PTK7: variants seen among roughly 807,000 people sequenced by gnomAD.
PTK7 encodes the protein protein tyrosine kinase 7 (inactive), also known as inactive tyrosine-protein kinase 7.
Under a neutral mutation model 116.6 loss-of-function variants are expected in PTK7, and 39 were observed. That is an observed-to-expected ratio of 0.33 (90% CI 0.26 to 0.44). The LOEUF is 0.44. PTK7 is among the 20% of genes least tolerant of loss of function. The probability of loss-of-function intolerance (pLI) is 1.00; values close to 1 mark genes in which losing one functional copy is unlikely to be tolerated. For missense variants in PTK7, 1,169 were observed against 1,425.6 expected, an observed-to-expected ratio of 0.82 and a Z score of 2.90; for synonymous variants, 546 against 563.6, an observed-to-expected ratio of 0.97 and a Z score of 0.44.
chr6:43,094,467 A>ATTT (rs1297200835), intron 1 of PTK7, among the ~76,000 whole-genome samples: 2 of 140,954 alleles, frequency 1.4e-5, no homozygotes, highest in Non-Finnish European at 3.1e-5. Context: ...TCAAAAGCAA[A>ATTT]TTTTTTTTTT....
chr6:43,086,265 G>A (rs1048174359), intron 1 of PTK7, among the ~76,000 whole-genome samples: 10 of 152,136 alleles, frequency 6.6e-5, no homozygotes, highest in Non-Finnish European at 1.2e-4. Flanking sequence ...CCCAGTCAGC[G>A]ACTCTGTTAA....
intron 17 of PTK7, among the ~76,000 whole-genome samples, chr6:43,154,805 G>A (rs547421062): frequency 2.0e-5 from 3 of 152,370 alleles, no homozygotes; most frequent in Non-Finnish European, 2.9e-5. Context: ...AGCCAGGGAT[G>A]CTGAAGGGCC....
chr6:43,110,633 C>T (rs1192253564), intron 1 of PTK7, among the ~76,000 whole-genome samples: 2 of 151,088 alleles, frequency 1.3e-5, no homozygotes, highest in African/African-American at 2.4e-5. Context: ...TGGTTTTGAG[C>T]TCCTGTCCTC....
In PTK7 at chr6:43,139,030, C is replaced by A; in HGVS notation, c.1362+48C>A. On this transcript the variant is annotated intron_variant, in intron 8 of 19. Transcript: ENST00000230419. The surrounding 1 kb of genome is among the most constrained non-coding windows in gnomAD (Gnocchi z 4.6). ...GTGGATGGGCGGGGCCTTCCCTCCA[C>A]TTGCCCTCTTCTGTGCTCACCTCCA... 4 of 1,607,448 alleles carry A rather than the reference C, an allele frequency of 2.5e-6. No individual in the cohort carries two copies. In the South Asian group the frequency reaches 4.4e-5, roughly 18 times the overall value.
chr6:43,121,302 G>C (rs543955384), intron 1 of PTK7, among the ~76,000 whole-genome samples: 1 of 152,156 alleles, frequency 6.6e-6, no homozygotes, highest in African/African-American at 2.4e-5. Flanking sequence ...TCTGAGTTTC[G>C]GTTTTCACCG....
Position 43,159,961 on chromosome 6 carries a change from T to A in PTK7, c.3047T>A (p.Leu1016Gln). 1 of 1,613,396 alleles carries A rather than the reference T, an allele frequency of 6.2e-7. No homozygotes were observed. Among genetic ancestry groups the A allele is most frequent in the Non-Finnish European group, 8.5e-7 (1 of 1,179,514 alleles). The change falls in exon 19 of 20, where the codon CTG (leucine) becomes CAG (glutamine). Residue 1016 changes from leucine to glutamine, a missense_variant. Physicochemically the swap from Leu to Gln is moderately radical, Grantham distance 113. Around this residue, in one of 3 missense-constraint regions of PTK7, gnomAD observed 678 missense variants for 853.8 expected, o/e 0.79. Coordinates refer to ENST00000230419, the MANE Select transcript of PTK7 (RefSeq NM_002821.5). Reference protein sequence around the residue: ...PHGGQADDEVLADLQAGKARL... With the variant: ...PHGGQADDEVQADLQAGKARL... ...GGTGGGCAGGCAGATGATGAAGTAC[T>A]GGCAGGTAGGCAGCCTTGCTGCTAG... is the stretch of plus-strand genomic sequence containing the variant.
At chr6:43,098,322 A>G (rs954015512) in intron 1 of PTK7, among the ~76,000 whole-genome samples, 7 of 148,228 alleles carry the variant, frequency 4.7e-5, no homozygotes, top group African/African-American at 1.7e-4. Context: ...ACGTCCTGTC[A>G]TTTCTCTCTT....
chr6:43,094,295 T>A (rs1011217499), intron 1 of PTK7, among the ~76,000 whole-genome samples: 7 of 152,158 alleles, frequency 4.6e-5, no homozygotes, highest in African/African-American at 1.7e-4. Context: ...GACCCTGTTC[T>A]CCTGCCTCAC....
At chr6:43,157,356 ATATATATATTTTTTTTTTTCTTTTTT>A (rs1561990485) in intron 17 of PTK7, among the ~76,000 whole-genome samples, 3 of 3,196 alleles carry the variant, frequency 9.4e-4, no homozygotes, top group African/African-American at 2.4e-3. Flanking sequence ...ATATATATAT[ATATATATATTTTTTTTTTTCTTTTTT>A]TTTTTTTTTT....
chr6:43,108,907 T>A (rs1768043755), intron 1 of PTK7, among the ~76,000 whole-genome samples: 1 of 152,210 alleles, frequency 6.6e-6, no homozygotes, highest in Non-Finnish European at 1.5e-5. Context: ...GAAACTTCTA[T>A]AAACACCAAT....
In PTK7 at chr6:43,141,795, C is replaced by T. The variant is rs1270639746; in HGVS notation, c.1746C>T (p.Ala582=). The T allele has an allele frequency of 6.2e-7, 1 of 1,613,918 alleles. No individual in the cohort carries two copies. Among genetic ancestry groups the T allele is most frequent in the Non-Finnish European group, 8.5e-7 (1 of 1,180,020 alleles). The change falls in exon 11 of 20, where the codon GCC becomes GCT. Residue 582 remains alanine, a synonymous_variant. Transcript: ENST00000230419. This position sits in a 1 kb window ranked among gnomAD's most constrained non-coding sequence, Gnocchi z 4.9. The stretch of plus-strand genomic sequence containing the variant: ...ACGGGCCGCAGGGCCAGATTCGTGC[C>T]CATGTCCAGCTCACTGTGGCAGGTG... The part of the protein sequence containing the change: ...ASNGPQGQIR[A]HVQLTVAVFI...
chr6:43,143,543 A>T lies in PTK7; in HGVS notation c.2174A>T (p.Tyr725Phe), dbSNP rs1369410594. Residue 725 changes from tyrosine to phenylalanine, a missense_variant, in exon 14 of 20, where the codon TAC becomes TTC. By Grantham distance (22) the Tyr-to-Phe change is conservative. Coordinates refer to ENST00000230419, the MANE Select transcript of PTK7 (RefSeq NM_002821.5). The surrounding 1 kb of genome is among the most constrained non-coding windows in gnomAD (Gnocchi z 4.2). ...YIIAVLGLMFYCKKRCKAKRL... is the reference protein window; with the variant it reads ...YIIAVLGLMFFCKKRCKAKRL... ...ATTGCCGTGCTGGGCCTCATGTTCT[A>T]CTGCAAGAAGCGCTGCAAAGCCAAG... is the stretch of plus-strand genomic sequence containing the variant. 2 of 1,613,686 alleles carry T rather than the reference A, an allele frequency of 1.2e-6. No homozygotes were observed. Among genetic ancestry groups the T allele is most frequent in the Non-Finnish European group, 1.7e-6 (2 of 1,179,970 alleles).
intron 17 of PTK7, among the ~76,000 whole-genome samples, chr6:43,150,807 TTTTTTTTTTCC>T (rs1771023710): frequency 9.3e-6 from 1 of 107,986 alleles, no homozygotes; most frequent in African/African-American, 4.8e-5. Context: ...TTTTTTTTTT[TTTTTTTTTTCC>T]CGAGACAGAG....
At chr6:43,152,241 G>C (rs918621869) in intron 17 of PTK7, among the ~76,000 whole-genome samples, 3 of 146,220 alleles carry the variant, frequency 2.1e-5, no homozygotes, top group Non-Finnish European at 4.5e-5. Context: ...ATAAAGAAAT[G>C]TACCAAAGCA....
intron 1 of PTK7, among the ~76,000 whole-genome samples, chr6:43,083,226 T>TG (rs1766472782): frequency 6.6e-6 from 1 of 152,244 alleles, no homozygotes; most frequent in East Asian, 1.9e-4. Flanking sequence ...TAGATGCCTC[T>TG]CTGCTGCTGT....
chr6:43,131,732 G>A (rs927251090), intron 5 of PTK7: 9 of 460,864 alleles, frequency 2.0e-5, no homozygotes, highest in Non-Finnish European at 3.2e-5. Flanking sequence ...ATTTGAGTGG[G>A]GACACAGCCA....
At position 43,141,892 on chromosome 6, in the gene PTK7, T is replaced by A; in HGVS notation, c.1769-39T>A. On this transcript the variant is annotated intron_variant, in intron 11 of 19. Transcript: ENST00000230419. This position sits in a 1 kb window ranked among gnomAD's most constrained non-coding sequence, Gnocchi z 4.9. The stretch of plus-strand genomic sequence containing the variant: ...CCGTGTACCCTGCCAGCCCCTTGGC[T>A]TACCCCTCCCTGCGCCTCGCTGGTC... 6.3e-7 allele frequency: 1 copy of A among 1,595,400 alleles called. No homozygotes were observed. The highest frequency in any genetic ancestry group is 8.6e-7 in the Non-Finnish European group (1 of 1,168,484).
rs773354788 is a variant in PTK7, at chr6:43,143,564, C to G, written c.2195C>G (p.Ala732Gly). 1.2e-5 allele frequency: 19 copies of G among 1,613,702 alleles called. No homozygotes were observed. The highest frequency in any genetic ancestry group is 1.5e-5 in the Non-Finnish European group (18 of 1,180,026). ...LMFYCKKRCK[A>G]KRLQKQPEGE... ...TTCTACTGCAAGAAGCGCTGCAAAG[C>G]CAAGCGGCTGCAGAAGCAGCCCGAG... The change falls in exon 14 of 20, where the codon GCC (alanine) becomes GGC (glycine). Residue 732 changes from alanine to glycine, a missense_variant. Around this residue, in one of 3 missense-constraint regions of PTK7, gnomAD observed 678 missense variants for 853.8 expected, o/e 0.79. Coordinates refer to ENST00000230419, the MANE Select transcript of PTK7 (RefSeq NM_002821.5). This position sits in a 1 kb window ranked among gnomAD's most constrained non-coding sequence, Gnocchi z 4.2.
rs1770516028 is a variant in PTK7, at chr6:43,143,111, T to C, written c.2048-306T>C. 3.3e-6 allele frequency: 1 copy of C among 307,498 alleles called. No individual in the cohort carries two copies. Among genetic ancestry groups the C allele is most frequent in the Non-Finnish European group, 6.1e-6 (1 of 164,136 alleles). The allele number at this position is 307,498 out of a possible 1,614,324, so 19.0% of individuals were successfully genotyped here. On this transcript the variant is annotated intron_variant, in intron 13 of 19. Coordinates refer to ENST00000230419, the MANE Select transcript of PTK7 (RefSeq NM_002821.5). The surrounding 1 kb of genome is among the most constrained non-coding windows in gnomAD (Gnocchi z 4.2). ...GGCCTGGCTCACATTATCAAGTCAC[T>C]TGGGAAGCTTAACAAATAACGTGGG...
Sources: gnomAD v4.1 joint callset for allele counts (sites outside exome capture counted in the v4.1 genomes callset) on GRCh38, gnomAD v4.1.1 for gene constraint, gnomAD v4.1.1 regional missense constraint, Gnocchi (gnomAD v3.1) non-coding constraint, MANE v1.5 for transcripts, NCBI Gene and HGNC (gene_info 2026-07-23, HGNC 2026-07-21) for gene names.